CFAP61: variants seen among roughly 807,000 people sequenced by gnomAD.
The protein encoded by CFAP61 is cilia and flagella associated protein 61, also known as cilia- and flagella-associated protein 61.
Under a neutral mutation model 135.6 loss-of-function variants are expected in CFAP61, and 107 were observed. The ratio of observed to expected loss-of-function variants is 0.79; its 90% CI spans 0.67 to 0.93. CFAP61 has a LOEUF of 0.93. CFAP61 is among the 40% of genes least tolerant of loss of function. The pLI is 0.00. For synonymous variants in CFAP61, 575 were observed against 578.5 expected, an observed-to-expected ratio of 0.99 and a Z score of 0.09; for missense variants, 1,507 against 1,556.2, an observed-to-expected ratio of 0.97 and a Z score of 0.53.
At chr20:20,072,822 CATT>C (rs1239247477) in intron 3 of CFAP61, among the ~76,000 whole-genome samples, 4 of 152,088 alleles carry the variant, frequency 2.6e-5, no homozygotes, top group South Asian at 2.1e-4. Flanking sequence ...TAAAATATCT[CATT>C]AATAATTTTT....
intron 21 of CFAP61, among the ~76,000 whole-genome samples, chr20:20,264,919 A>G (rs2052581497): frequency 6.6e-6 from 1 of 152,168 alleles, no homozygotes; most frequent in Non-Finnish European, 1.5e-5. Flanking sequence ...TAGACTTTGC[A>G]GGCCATATGG....
At chr20:20,348,223 C>T (rs1039657634) in intron 26 of CFAP61, among the ~76,000 whole-genome samples, 1 of 152,146 alleles carries the variant, frequency 6.6e-6, no homozygotes, top group Non-Finnish European at 1.5e-5. Context: ...AGAAAACTTA[C>T]AGACCAACAC....
intron 9 of CFAP61, among the ~76,000 whole-genome samples, chr20:20,154,276 T>C (rs901144843): frequency 6.6e-6 from 1 of 152,062 alleles, no homozygotes; most frequent in Non-Finnish European, 1.5e-5. Context: ...GTTGAAATCA[T>C]TCCCCCTGAG....
intron 15 of CFAP61, among the ~76,000 whole-genome samples, chr20:20,193,993 A>T (rs1166004044): frequency 1.3e-5 from 2 of 152,126 alleles, no homozygotes; most frequent in Non-Finnish European, 2.9e-5. Context: ...TACCAACCTG[A>T]TTCTTGATCC....
At position 20,187,104 on chromosome 20, in the gene CFAP61, G is replaced by A. The variant is rs1368274797; in HGVS notation, c.1386-826G>A. ...TGAGTTGCTAGCCGAACACGCCATGGCACTGCCTGCCCAAGGTGGGGACAG... is the reference window on the plus strand; with the variant it reads ...TGAGTTGCTAGCCGAACACGCCATGACACTGCCTGCCCAAGGTGGGGACAG... On this transcript the variant is annotated intron_variant, in intron 13 of 26. Transcript: ENST00000245957. 2.0e-5 allele frequency among the ~76,000 whole-genome samples: 3 copies of A among 152,174 alleles called. No individual in the cohort carries two copies. In the East Asian group the frequency reaches 5.8e-4, roughly 29 times the overall value.
intron 18 of CFAP61, among the ~76,000 whole-genome samples, chr20:20,231,402 A>G (rs1377097864): frequency 6.6e-6 from 1 of 151,964 alleles, no homozygotes; most frequent in Non-Finnish European, 1.5e-5. Flanking sequence ...CCAGGATCCC[A>G]GTCTTTTACT....
chr20:20,228,145 T>C, intron 17 of CFAP61, 104 bp from the exon 18 acceptor site: 1 of 958,330 alleles, frequency 1.0e-6, no homozygotes, highest in East Asian at 2.5e-5. Context: ...TTTGTTTTGG[T>C]GGTAATGTCC....
chr20:20,352,422 T>C (rs1928368), intron 26 of CFAP61, among the ~76,000 whole-genome samples: 142,211 of 152,224 alleles, frequency 0.93, 67,165 homozygotes, highest in East Asian at 1. Flanking sequence ...GATTACAAAT[T>C]GAAATGAAAT....
intron 8 of CFAP61, among the ~76,000 whole-genome samples, chr20:20,140,562 C>T (rs1453700023): frequency 6.6e-6 from 1 of 152,098 alleles, no homozygotes; most frequent in Non-Finnish European, 1.5e-5. Context: ...AGTCAGGAAA[C>T]AACAGGTGCT....
At chr20:20,252,047 C>A (rs140680648) in intron 20 of CFAP61, among the ~76,000 whole-genome samples, 2 of 152,342 alleles carry the variant, frequency 1.3e-5, no homozygotes, top group African/African-American at 4.8e-5. Flanking sequence ...AAAAGTCTAA[C>A]ACATACTGCT....
At chr20:20,121,894 T>G (rs1166602847) in intron 8 of CFAP61, among the ~76,000 whole-genome samples, 8 of 152,186 alleles carry the variant, frequency 5.3e-5, no homozygotes, top group Non-Finnish European at 1.2e-4. Flanking sequence ...CCTTTATGGC[T>G]AAGTGGTTTT....
At chr20:20,074,409 A>G (rs545896792) in intron 4 of CFAP61, 31 bp downstream of exon 4, 12 of 1,560,830 alleles carry the variant, frequency 7.7e-6, no homozygotes, top group African/African-American at 6.8e-5. Flanking sequence ...AGTGGTGAAC[A>G]TGAAAGAGAC....
intron 9 of CFAP61, 30 bp from the exon 10 acceptor site, chr20:20,159,340 A>G (rs1373184182): frequency 2.5e-6 from 4 of 1,611,002 alleles, no homozygotes; most frequent in African/African-American, 1.3e-5. Flanking sequence ...GTGTCGATTA[A>G]TTTTCATGTT....
chr20:20,262,882 A>G (rs1259800800), intron 20 of CFAP61, 74 bp from the exon 21 acceptor site: 7 of 767,202 alleles, frequency 9.1e-6, no homozygotes, highest in Non-Finnish European at 1.4e-5. Flanking sequence ...TGCTATGTCT[A>G]CTTTTTTTTT....
chr20:20,291,341 T>G lies in CFAP61; in HGVS notation c.3216+950T>G, dbSNP rs577482489. ...TTGTCCCTCCCTCTGTCCTAAGGCC[T>G]AGCAACTACTGATCTTCATACTGTC... On this transcript the variant is annotated intron_variant, in intron 24 of 26. Transcript: ENST00000245957. 1.7e-4 allele frequency among the ~76,000 whole-genome samples: 26 copies of G among 152,328 alleles called. No individual in the cohort carries two copies. The South Asian group carries it at 5.4e-3, about 32-fold the overall frequency.
chr20:20,208,342 A>G (rs1569132320), intron 17 of CFAP61, among the ~76,000 whole-genome samples: 1 of 152,222 alleles, frequency 6.6e-6, no homozygotes, highest in Non-Finnish European at 1.5e-5. Flanking sequence ...GTCACTTCCA[A>G]TCACAATATA....
At chr20:20,187,798 C>A in intron 13 of CFAP61, 132 bp from the exon 14 acceptor site, 1 of 661,304 alleles carries the variant, frequency 1.5e-6, no homozygotes, top group Non-Finnish European at 2.5e-6. Flanking sequence ...ATTACTCAAA[C>A]CCCAGTGTTA....
chr20:20,056,585 T>C (rs2044353053), intron 1 of CFAP61, 33 bp from the exon 2 acceptor site: 2 of 1,488,810 alleles, frequency 1.3e-6, no homozygotes, highest in African/African-American at 2.8e-5. Flanking sequence ...GTGTGTATTA[T>C]AACCAAACTG....
At position 20,215,794 on chromosome 20, in the gene CFAP61, A is replaced by G. The variant is rs1312977822; in HGVS notation, c.1933-12455A>G. ...AGTGATTCTTCCTCAAGAGGAAATT[A>G]TTATAGAAGACCTATTTATATATAT... On this transcript the variant is annotated intron_variant, in intron 17 of 26. Coordinates refer to ENST00000245957, the MANE Select transcript of CFAP61 (RefSeq NM_015585.4). 5.3e-5 allele frequency among the ~76,000 whole-genome samples: 8 copies of G among 152,138 alleles called. No individual in the cohort carries two copies. The South Asian group carries it at 1.4e-3, about 28-fold the overall frequency.
Sources: gnomAD v4.1 joint callset for allele counts (sites outside exome capture counted in the v4.1 genomes callset) on GRCh38, gnomAD v4.1.1 for gene constraint, MANE v1.5 for transcripts, NCBI Gene and HGNC (gene_info 2026-07-23, HGNC 2026-07-21) for gene names.